TEN1: variants seen among roughly 807,000 people sequenced by gnomAD.
TEN1 encodes the protein TEN1 subunit of CST complex.
Under a neutral mutation model 9.3 loss-of-function variants are expected in TEN1, and 6 were observed. The ratio of observed to expected loss-of-function variants is 0.65; its 90% CI spans 0.35 to 1.27. The LOEUF (loss-of-function observed/expected upper bound fraction) is 1.27. Ranked by LOEUF, TEN1 falls within the 50% of genes most tolerant of loss-of-function variation. TEN1 has a pLI of 0.03. For missense variants in TEN1, 149 were observed against 158.2 expected (o/e 0.94, Z 0.31); for synonymous variants, 65 against 65.6 (o/e 0.99, Z 0.04).
Position 75,989,693 on chromosome 17 carries a change from G to A in TEN1, c.93-1773G>A, listed in dbSNP as rs544989349. Among the ~76,000 whole-genome samples, 6 of 152,048 alleles carry A rather than the reference G, an allele frequency of 3.9e-5. No individual in the cohort carries two copies. The East Asian group carries it at 9.7e-4, about 25-fold the overall frequency. ...CTACCAAAGTGCTGGGATTACAGGCGTGAGCCATCGTGCCTGGCTTTATTG... is the reference window on the plus strand; with the variant it reads ...CTACCAAAGTGCTGGGATTACAGGCATGAGCCATCGTGCCTGGCTTTATTG... On this transcript the variant is annotated intron_variant, in intron 2 of 3. Coordinates refer to ENST00000397640, the MANE Select transcript of TEN1 (RefSeq NM_001113324.3).
chr17:75,994,912 C>G (rs1440505366), intron 3 of TEN1, among the ~76,000 whole-genome samples: 2 of 152,110 alleles, frequency 1.3e-5, no homozygotes, highest in Non-Finnish European at 2.9e-5. Flanking sequence ...AGGGGGCACC[C>G]TGTGGCTGCT....
At position 76,000,097 on chromosome 17, in the gene TEN1, C is replaced by T. The variant is rs987945966; in HGVS notation, c.251-44C>T. The T allele has an allele frequency of 1.9e-6, 3 of 1,541,096 alleles. No homozygotes were observed. The highest frequency in any genetic ancestry group is 2.6e-6 in the Non-Finnish European group (3 of 1,139,908). On this transcript the variant is annotated intron_variant, in intron 3 of 3. Coordinates refer to ENST00000397640, the MANE Select transcript of TEN1 (RefSeq NM_001113324.3). The surrounding 1 kb of genome is among the most constrained non-coding windows in gnomAD (Gnocchi z 5.9). ...AATGCACCTTGGAGGACGTTGTTGA[C>T]ACGCCGCTCAGTCGCCGTTCGTGCC...
At chr17:75,996,839 T>A (rs1431723627) in intron 3 of TEN1, among the ~76,000 whole-genome samples, 1 of 152,016 alleles carries the variant, frequency 6.6e-6, no homozygotes, top group Non-Finnish European at 1.5e-5. Context: ...CGAGCATCCT[T>A]ACAGCTCTGG....
At chr17:75,981,743 A>C (rs2066121923) in intron 1 of TEN1, among the ~76,000 whole-genome samples, 1 of 152,044 alleles carries the variant, frequency 6.6e-6, no homozygotes, top group Non-Finnish European at 1.5e-5. Flanking sequence ...AAAACCCTAA[A>C]TATAAGCTGG....
intron 2 of TEN1, among the ~76,000 whole-genome samples, chr17:75,987,005 G>T (rs140189772): frequency 1.3e-5 from 2 of 152,120 alleles, no homozygotes; most frequent in African/African-American, 2.4e-5. Context: ...TTAGTTTTTC[G>T]TAGAGACAGG....
chr17:75,985,031 G>A (rs1433837313), intron 1 of TEN1: 1 of 152,178 alleles, frequency 6.6e-6, no homozygotes, highest in Non-Finnish European at 1.5e-5. Context: ...ATCATCTGAG[G>A]TCAAGAGTTC....
intron 3 of TEN1, among the ~76,000 whole-genome samples, chr17:75,992,336 C>A (rs1185568937): frequency 2.0e-5 from 3 of 150,752 alleles, no homozygotes; most frequent in African/African-American, 7.3e-5. Context: ...GCTCATGAGG[C>A]TCCCACCTCA....
chr17:75,998,485 CAG>C (rs1395475115), intron 3 of TEN1, among the ~76,000 whole-genome samples: 1 of 152,108 alleles, frequency 6.6e-6, no homozygotes, highest in East Asian at 1.9e-4. Context: ...CTGGGGCTAA[CAG>C]AAGCTGAGAC....
At chr17:75,979,986 A>G (rs2066104327) in intron 1 of TEN1, among the ~76,000 whole-genome samples, 1 of 151,768 alleles carries the variant, frequency 6.6e-6, no homozygotes, top group South Asian at 2.1e-4. Context: ...TGGAATCCAG[A>G]CTTCTTTGCT....
chr17:75,996,541 C>CA (rs1371174085), intron 3 of TEN1, among the ~76,000 whole-genome samples: 1 of 150,900 alleles, frequency 6.6e-6, no homozygotes, highest in East Asian at 1.9e-4. Context: ...CCCGTCTCTA[C>CA]AAAAAATGCA....
intron 3 of TEN1, among the ~76,000 whole-genome samples, chr17:75,994,068 G>A (rs1238310923): frequency 6.6e-6 from 1 of 152,074 alleles, no homozygotes; most frequent in Non-Finnish European, 1.5e-5. Flanking sequence ...GAAGTAGCCT[G>A]TTACCGGGCA....
Position 76,000,573 on chromosome 17 carries a change from G to T in TEN1, c.*311G>T, listed in dbSNP as rs778771844. ...GGTCCTGGTGAATAAAGGCCCAGGG[G>T]GCGTGCTCTTGAAGTGTGCTCGTGG... On this transcript the variant is annotated 3_prime_UTR_variant, in exon 4 of 4. Transcript: ENST00000397640. The surrounding 1 kb of genome is among the most constrained non-coding windows in gnomAD (Gnocchi z 5.9). 37 of 288,444 alleles carry T rather than the reference G, an allele frequency of 1.3e-4. No homozygotes were observed. Among genetic ancestry groups the T allele is most frequent in the Non-Finnish European group, 2.1e-4 (32 of 155,096 alleles). The allele number at this position is 288,444 out of a possible 1,614,324, so 17.9% of individuals were successfully genotyped here.
chr17:75,981,337 C>A (rs192889416), intron 1 of TEN1, among the ~76,000 whole-genome samples: 3 of 152,204 alleles, frequency 2.0e-5, no homozygotes, highest in Admixed American at 6.5e-5. Flanking sequence ...CAGGAATGTA[C>A]TACCACACTT....
intron 1 of TEN1, among the ~76,000 whole-genome samples, chr17:75,980,326 G>C (rs2144336462): frequency 6.6e-6 from 1 of 152,168 alleles, no homozygotes; most frequent in East Asian, 1.9e-4. Context: ...GCAACATAGT[G>C]AGACCCTGTC....
intron 3 of TEN1, among the ~76,000 whole-genome samples, chr17:75,991,836 C>G (rs1380690286): frequency 6.6e-6 from 1 of 152,096 alleles, no homozygotes; most frequent in Non-Finnish European, 1.5e-5. Context: ...GGTGGCTGGT[C>G]AGGAGTTCGA....
intron 3 of TEN1, among the ~76,000 whole-genome samples, chr17:75,997,545 G>A (rs183854961): frequency 6.6e-6 from 1 of 152,086 alleles, no homozygotes; most frequent in Admixed American, 6.6e-5. Flanking sequence ...AACGGCCACC[G>A]TTAGCTCCTT....
chr17:75,979,539 G>A (rs957955830), intron 1 of TEN1, 28 bp downstream of exon 1: 5 of 299,930 alleles, frequency 1.7e-5, no homozygotes, highest in Admixed American at 4.7e-5. Context: ...GAAGGGGGCG[G>A]GACAACGAGG....
chr17:75,986,038 C>G (rs529401853), intron 1 of TEN1, 149 bp from the exon 2 acceptor site: 128 of 576,950 alleles, frequency 2.2e-4, no homozygotes, highest in South Asian at 1.4e-3. Context: ...ATCCCTCCCC[C>G]CAAAAAATTT....
At chr17:75,996,164 G>A (rs978348132) in intron 3 of TEN1, among the ~76,000 whole-genome samples, 1 of 152,078 alleles carries the variant, frequency 6.6e-6, no homozygotes, top group African/African-American at 2.4e-5. Context: ...GCTGAGGCTG[G>A]TGGATTACTT....
Sources: gnomAD v4.1 joint callset for allele counts (sites outside exome capture counted in the v4.1 genomes callset) on GRCh38, gnomAD v4.1.1 for gene constraint, Gnocchi (gnomAD v3.1) non-coding constraint, MANE v1.5 for transcripts, NCBI Gene and HGNC (gene_info 2026-07-23, HGNC 2026-07-21) for gene names.